Variants in LIN7A observed in about 807,000 individuals in gnomAD.
The protein encoded by LIN7A is protein lin-7 homolog A.
LIN7A carries 25 observed loss-of-function variants against 29.8 expected under a neutral mutation model. The ratio of observed to expected loss-of-function variants is 0.84; its 90% CI spans 0.61 to 1.17. The LOEUF (loss-of-function observed/expected upper bound fraction) is 1.17, where lower values mean the gene tolerates loss of function less well. Among genes scored for constraint, LIN7A ranks in the 50% most tolerant of loss-of-function variants. The pLI is 0.00. For missense variants in LIN7A, 239 were observed against 287.0 expected, an observed-to-expected ratio of 0.83 and a Z score of 1.21; for synonymous variants, 118 against 107.5, an observed-to-expected ratio of 1.10 and a Z score of -0.60.
chr12:80,804,063 T>C (rs926333118), intron 5 of LIN7A, among the ~76,000 whole-genome samples: 1 of 152,212 alleles, frequency 6.6e-6, no homozygotes, highest in African/African-American at 2.4e-5. Flanking sequence ...GTTTCCACTT[T>C]ATTTTTAAAT....
At chr12:80,847,987 A>G (rs1468593386) in intron 3 of LIN7A, 3 of 549,014 alleles carry the variant, frequency 5.5e-6, no homozygotes, top group Non-Finnish European at 1.0e-5. Flanking sequence ...CACACAATGA[A>G]CCAGTAGATT....
chr12:80,863,127 C>T (rs73143049), intron 2 of LIN7A, among the ~76,000 whole-genome samples: 16,169 of 152,180 alleles, frequency 0.11, 973 homozygotes, highest in Middle Eastern at 0.21. Flanking sequence ...CTTTAGCTCT[C>T]CTGCATGTGC....
chr12:80,911,082 G>T (rs1015884814), intron 1 of LIN7A, among the ~76,000 whole-genome samples: 33 of 152,026 alleles, frequency 2.2e-4, no homozygotes, highest in Admixed American at 1.3e-4. Flanking sequence ...TTATTCCTTT[G>T]TTGAGTTAAA....
chr12:80,851,870 C>G (rs1248447333), intron 2 of LIN7A, among the ~76,000 whole-genome samples: 1 of 152,090 alleles, frequency 6.6e-6, no homozygotes, highest in African/African-American at 2.4e-5. Flanking sequence ...ATTTCCTAAC[C>G]TTGAATAAAT....
chr12:80,820,179 A>G (rs1373504500), intron 4 of LIN7A, among the ~76,000 whole-genome samples: 2 of 152,206 alleles, frequency 1.3e-5, no homozygotes, highest in Non-Finnish European at 2.9e-5. Flanking sequence ...AGGAACGTGC[A>G]GGAGATTTAC....
In LIN7A at chr12:80,845,950, A is replaced by G; in HGVS notation, c.274-11T>C. The G allele has an allele frequency of 6.3e-7, 1 of 1,583,918 alleles. No individual in the cohort carries two copies. The highest frequency in any genetic ancestry group is 1.2e-5 in the South Asian group (1 of 85,008). On this transcript the variant is annotated splice_polypyrimidine_tract_variant and intron_variant, in intron 3 of 5. Coordinates refer to ENST00000552864, the MANE Select transcript of LIN7A (RefSeq NM_004664.4). ...AGCTGCAACTGTTGCCTGAAAAAAA[A>G]AAAAAAAGATGGTCTTTTGGTAATA...
At chr12:80,870,771 G>A (rs2120493600) in intron 2 of LIN7A, among the ~76,000 whole-genome samples, 1 of 152,298 alleles carries the variant, frequency 6.6e-6, no homozygotes, top group African/African-American at 2.4e-5. Flanking sequence ...GAACATCAGA[G>A]TGCTCCTCCA....
intron 4 of LIN7A, among the ~76,000 whole-genome samples, chr12:80,820,613 T>C (rs1348740931): frequency 8.2e-6 from 1 of 121,372 alleles, no homozygotes; most frequent in Non-Finnish European, 1.9e-5. Context: ...CTGATGGTTG[T>C]TGGAATGAAG....
chr12:80,859,046 TAAG>T (rs889845421), intron 2 of LIN7A, among the ~76,000 whole-genome samples: 1 of 152,160 alleles, frequency 6.6e-6, no homozygotes, highest in Non-Finnish European at 1.5e-5. Context: ...TAGCTAATAA[TAAG>T]GTTGCCAGAT....
At chr12:80,936,906 C>CT (rs1490778958) in intron 1 of LIN7A, 1 of 152,238 alleles carries the variant, frequency 6.6e-6, no homozygotes, top group African/African-American at 2.4e-5. Context: ...ACACGAGAGG[C>CT]TGGCGCGGGA....
intron 2 of LIN7A, among the ~76,000 whole-genome samples, chr12:80,881,613 A>G (rs1875040374): frequency 7.0e-6 from 1 of 143,170 alleles, no homozygotes; most frequent in Non-Finnish European, 1.5e-5. Flanking sequence ...AGCAAAGAAA[A>G]CAAAATAAAG....
chr12:80,868,744 C>A (rs1238775903), intron 2 of LIN7A, among the ~76,000 whole-genome samples: 1 of 152,182 alleles, frequency 6.6e-6, no homozygotes, highest in South Asian at 2.1e-4. Flanking sequence ...AGTTGCCCAG[C>A]AGAGCCCATT....
At chr12:80,852,877 C>T (rs1199241172) in intron 2 of LIN7A, among the ~76,000 whole-genome samples, 3 of 152,178 alleles carry the variant, frequency 2.0e-5, no homozygotes, top group Non-Finnish European at 4.4e-5. Flanking sequence ...ACAATTCAAT[C>T]GGAAGCAGGT....
At chr12:80,923,154 A>G (rs1877403022) in intron 1 of LIN7A, among the ~76,000 whole-genome samples, 1 of 152,198 alleles carries the variant, frequency 6.6e-6, no homozygotes, top group South Asian at 2.1e-4. Context: ...CACTCTTTCT[A>G]CCGGAGCTGG....
Position 80,811,472 on chromosome 12 carries a change from A to T in LIN7A, c.695T>A (p.Met232Lys), listed in dbSNP as rs1357312922. The T allele has an allele frequency of 5.3e-6, 7 of 1,312,086 alleles. No homozygotes were observed. The highest frequency in any genetic ancestry group is 1.5e-5 in the African/African-American group (1 of 65,246). 81.3% of individuals were successfully genotyped at this position (1,312,086 alleles called of 1,614,324 possible). Residue 232 changes from methionine to lysine, a missense_variant, in exon 5 of 6, where the codon ATG becomes AAG. Physicochemically the swap from Met to Lys is moderately conservative, Grantham distance 95 (BLOSUM62 -1). Coordinates refer to ENST00000552864, the MANE Select transcript of LIN7A (RefSeq NM_004664.4). The stretch of plus-strand genomic sequence containing the variant: ...GAATAAGTCACTTCTCACCTATGAC[A>T]TGTGGTTTTGTTGTGTTTGTTGCTG... ...QQQQQTQQNH[M>K]S
At chr12:80,921,562 G>T (rs1368595846) in intron 1 of LIN7A, among the ~76,000 whole-genome samples, 1 of 150,142 alleles carries the variant, frequency 6.7e-6, no homozygotes, top group East Asian at 2.0e-4. Flanking sequence ...GTTGGGGAGG[G>T]TGGGAGGGAG....
At chr12:80,831,113 T>G (rs1872327166) in intron 4 of LIN7A, among the ~76,000 whole-genome samples, 6 of 152,240 alleles carry the variant, frequency 3.9e-5, no homozygotes, top group Admixed American at 3.9e-4. Flanking sequence ...GAATCCTGAC[T>G]GCTTCAAATT....
At chr12:80,825,693 G>T (rs1199428191) in intron 4 of LIN7A, among the ~76,000 whole-genome samples, 1 of 152,040 alleles carries the variant, frequency 6.6e-6, no homozygotes, top group African/African-American at 2.4e-5. Flanking sequence ...ATGACAGCAA[G>T]TATCATGGGC....
chr12:80,868,526 C>T (rs1298509406), intron 2 of LIN7A, among the ~76,000 whole-genome samples: 1 of 152,138 alleles, frequency 6.6e-6, no homozygotes, highest in Admixed American at 6.5e-5. Flanking sequence ...CGAGATTGCG[C>T]CATTGCACTC....
Sources: gnomAD v4.1 joint callset for allele counts (sites outside exome capture counted in the v4.1 genomes callset) on GRCh38, gnomAD v4.1.1 for gene constraint, MANE v1.5 for transcripts, NCBI Gene and HGNC (gene_info 2026-07-23, HGNC 2026-07-21) for gene names.